The following CMSS1 variants were observed in gnomAD, a reference collection of about 807,000 sequenced individuals.
The protein encoded by CMSS1 is cms1 ribosomal small subunit homolog.
Under a neutral mutation model 43.5 loss-of-function variants are expected in CMSS1, and 33 were observed. That is an observed-to-expected ratio of 0.76 (90% CI 0.57 to 1.01). The LOEUF (loss-of-function observed/expected upper bound fraction) is 1.01. Among genes scored for constraint, CMSS1 ranks in the 50% least tolerant of loss-of-function variants. The pLI, the probability that CMSS1 is intolerant of heterozygous loss-of-function variation, is 0.00. For missense variants in CMSS1, 313 were observed against 326.4 expected, an observed-to-expected ratio of 0.96 and a Z score of 0.32; for synonymous variants, 115 against 117.2, an observed-to-expected ratio of 0.98 and a Z score of 0.12.
At chr3:100,107,290 T>TC (rs2066411890) in intron 1 of CMSS1, among the ~76,000 whole-genome samples, 1 of 152,150 alleles carries the variant, frequency 6.6e-6, no homozygotes, top group African/African-American at 2.4e-5. Context: ...GTTATTTAGG[T>TC]CATGATTGCA....
At chr3:99,819,173 A>G (rs1942382940) in intron 1 of CMSS1, among the ~76,000 whole-genome samples, 1 of 152,230 alleles carries the variant, frequency 6.6e-6, no homozygotes, top group South Asian at 2.1e-4. Context: ...AGCAGATGTC[A>G]TTTTTAGAAA....
chr3:99,871,983 TCTA>T (rs531790807), intron 1 of CMSS1, among the ~76,000 whole-genome samples: 208 of 152,284 alleles, frequency 1.4e-3, no homozygotes, highest in African/African-American at 4.6e-3. Flanking sequence ...TTTGAACCTT[TCTA>T]CTTTCTTTTT....
At chr3:100,126,923 G>A (rs920271608) in intron 1 of CMSS1, among the ~76,000 whole-genome samples, 2 of 152,150 alleles carry the variant, frequency 1.3e-5, no homozygotes, top group Non-Finnish European at 1.5e-5. Context: ...GTGTGAACCC[G>A]GGAGGCGGAG....
chr3:100,145,481 C>A (rs181789920), intron 1 of CMSS1, among the ~76,000 whole-genome samples: 100 of 151,968 alleles, frequency 6.6e-4, no homozygotes, highest in Middle Eastern at 3.4e-3. Flanking sequence ...AGTCAGGGTT[C>A]TCCAGAGAAA....
At chr3:99,966,667 A>G (rs1392374732) in intron 1 of CMSS1, among the ~76,000 whole-genome samples, 1 of 152,212 alleles carries the variant, frequency 6.6e-6, no homozygotes, top group African/African-American at 2.4e-5. Context: ...TCAACCTTCA[A>G]ACTCTAGCAG....
At chr3:99,931,864 T>G (rs192550577) in intron 1 of CMSS1, among the ~76,000 whole-genome samples, 1 of 152,322 alleles carries the variant, frequency 6.6e-6, no homozygotes, top group East Asian at 1.9e-4. Flanking sequence ...CTGTTGAGGT[T>G]TATAACTAGG....
intron 1 of CMSS1, among the ~76,000 whole-genome samples, chr3:100,136,140 T>C (rs961629333): frequency 2.0e-5 from 3 of 152,148 alleles, no homozygotes; most frequent in African/African-American, 7.2e-5. Flanking sequence ...CACAAGGACT[T>C]ATATCCAGAA....
chr3:99,879,518 G>A (rs923669564), intron 1 of CMSS1, among the ~76,000 whole-genome samples: 1 of 152,080 alleles, frequency 6.6e-6, no homozygotes, highest in African/African-American at 2.4e-5. Context: ...TTTCTTTCAT[G>A]TCTTCTCTCC....
intron 1 of CMSS1, among the ~76,000 whole-genome samples, chr3:99,864,756 C>CA (rs1430064600): frequency 2.0e-5 from 3 of 152,196 alleles, no homozygotes; most frequent in African/African-American, 7.2e-5. Flanking sequence ...CAGAACACGG[C>CA]ATGGTGTGCT....
intron 9 of CMSS1, among the ~76,000 whole-genome samples, chr3:100,177,385 G>A (rs1348174207): frequency 6.6e-6 from 1 of 152,150 alleles, no homozygotes; most frequent in African/African-American, 2.4e-5. Context: ...GGCCATAGTT[G>A]ATTATTTCAG....
chr3:99,859,908 C>T (rs1244488984), intron 1 of CMSS1, among the ~76,000 whole-genome samples: 2 of 152,172 alleles, frequency 1.3e-5, no homozygotes, highest in Non-Finnish European at 2.9e-5. Context: ...TCTGTGTATG[C>T]TGCTTCCTTG....
At chr3:100,089,857 T>TTGTCACCTC (rs2066073472) in intron 1 of CMSS1, among the ~76,000 whole-genome samples, 2 of 152,202 alleles carry the variant, frequency 1.3e-5, no homozygotes, top group Non-Finnish European at 2.9e-5. Context: ...ACCTACTAGT[T>TTGTCACCTC]CAGTGACCTG....
intron 5 of CMSS1, 61 bp downstream of exon 5, chr3:100,166,455 A>G (rs1310304238): frequency 9.3e-6 from 11 of 1,183,456 alleles, no homozygotes; most frequent in Admixed American, 1.8e-5. Flanking sequence ...GGTTTTGGGA[A>G]TTTAGGTTTT....
chr3:99,964,855 CTCTT>C (rs1482655843), intron 1 of CMSS1, among the ~76,000 whole-genome samples: 1 of 152,128 alleles, frequency 6.6e-6, no homozygotes, highest in African/African-American at 2.4e-5. Context: ...TGTGGAAAAA[CTCTT>C]TCCTAAGTTA....
chr3:99,876,205 G>A (rs1343440417), intron 1 of CMSS1: 1 of 985,340 alleles, frequency 1.0e-6, no homozygotes, highest in Non-Finnish European at 1.2e-6. Context: ...CGGCCTATGG[G>A]CGTTACGTCA....
At chr3:99,944,917 C>A (rs977583813) in intron 1 of CMSS1, among the ~76,000 whole-genome samples, 1 of 152,274 alleles carries the variant, frequency 6.6e-6, no homozygotes, top group Non-Finnish European at 1.5e-5. Context: ...GTCAAATCTG[C>A]GATGAAGGCA....
chr3:100,018,493 G>A (rs2107220344), intron 1 of CMSS1, among the ~76,000 whole-genome samples: 1 of 152,172 alleles, frequency 6.6e-6, no homozygotes, highest in Non-Finnish European at 1.5e-5. Context: ...AATGGAAATG[G>A]ATAGCCACAT....
Position 100,061,706 on chromosome 3 carries a change from A to G in CMSS1, c.65-85267A>G, listed in dbSNP as rs139954367. Among the ~76,000 whole-genome samples the G allele has an allele frequency of 4.6e-3, 694 of 152,194 alleles. 7 individuals are homozygous for G. The highest frequency in any genetic ancestry group is 0.016 in the African/African-American group (677 of 41,524). On this transcript the variant is annotated intron_variant, in intron 1 of 9. Transcript: ENST00000421999. ...TCATTTAATTCATTTAACCCTCACT[A>G]CCTCCGAGGTGCATGTCGTTATCCT...
At chr3:100,158,313 A>T (rs2066993658) in intron 2 of CMSS1, among the ~76,000 whole-genome samples, 1 of 152,224 alleles carries the variant, frequency 6.6e-6, no homozygotes, top group Non-Finnish European at 1.5e-5. Flanking sequence ...TACATATTTA[A>T]AATTGCTACA....
Sources: allele counts gnomAD v4.1 joint callset (sites outside exome capture counted in the v4.1 genomes callset), GRCh38; gene constraint gnomAD v4.1.1; transcripts MANE v1.5; gene names NCBI Gene and HGNC (gene_info 2026-07-23, HGNC 2026-07-21).